Variants in COPG2 observed in about 807,000 individuals in gnomAD.
The protein encoded by COPG2 is coat protein complex I subunit gamma 2.
COPG2 carries 37 observed loss-of-function variants against 46.3 expected under a neutral mutation model. The ratio of observed to expected loss-of-function variants is 0.80; its 90% CI spans 0.61 to 1.05. The LOEUF (loss-of-function observed/expected upper bound fraction) is 1.05. COPG2 is among the 50% of genes least tolerant of loss of function. The pLI is 0.00. For missense variants in COPG2, 427 were observed against 387.8 expected (o/e 1.10, Z -0.85); for synonymous variants, 159 against 129.7 (o/e 1.23, Z -1.53).
At position 130,666,926 on chromosome 7, in the gene COPG2, G is replaced by A. The variant is rs1039752034; in HGVS notation, c.94C>T (p.Arg32Cys). The A allele has an allele frequency of 7.8e-6, 12 of 1,532,698 alleles. No individual in the cohort carries two copies. The highest frequency in any genetic ancestry group is 2.8e-5 in the African/African-American group (2 of 72,088). The allele number at this position is 1,532,698 out of a possible 1,614,324, so 94.9% of individuals were successfully genotyped here. ...TTGATTGGAGTTTCATTGAATATACGAGCCTATGAAAAAACATAAAAAACA... is the reference window on the plus strand; with the variant it reads ...TTGATTGGAGTTTCATTGAATATACAAGCCTATGAAAAAACATAAAAAACA... Reference protein sequence around the residue: ...LEKSAVLQEARIFNETPINPR... With the variant: ...LEKSAVLQEACIFNETPINPR... Residue 32 changes from arginine (R) to cysteine (C), a missense_variant, in exon 3 of 24, where the codon CGT (arginine) becomes TGT (cysteine). Transcript: ENST00000425248.
chr7:130,511,055 G>A, intron 20 of COPG2: 1 of 496,784 alleles, frequency 2.0e-6, no homozygotes, highest in Non-Finnish European at 4.0e-6. Flanking sequence ...TGTATGAAAA[G>A]AACCCAGCGA....
chr7:130,605,745 A>C, intron 9 of COPG2: 1 of 520,014 alleles, frequency 1.9e-6, no homozygotes, highest in Non-Finnish European at 3.8e-6. Context: ...ATTCTTCCTC[A>C]AAGCCTCCAG....
chr7:130,641,289 G>A (rs1024222007), intron 5 of COPG2, among the ~76,000 whole-genome samples: 7 of 152,032 alleles, frequency 4.6e-5, no homozygotes, highest in Admixed American at 3.3e-4. Context: ...ATGTGGAAAA[G>A]GCAACAGAAT....
chr7:130,660,547 T>C (rs1334360530), intron 4 of COPG2, among the ~76,000 whole-genome samples: 1 of 152,170 alleles, frequency 6.6e-6, no homozygotes, highest in Non-Finnish European at 1.5e-5. Context: ...CCTGCTACCA[T>C]TGCTGGTTGT....
intron 5 of COPG2, among the ~76,000 whole-genome samples, chr7:130,631,851 A>G (rs1373021237): frequency 6.6e-6 from 1 of 152,158 alleles, no homozygotes; most frequent in Admixed American, 6.5e-5. Context: ...CTTTGCATAG[A>G]TCCATATCTT....
chr7:130,563,210 A>C (rs1221738055), intron 11 of COPG2, 59 bp downstream of exon 11: 14 of 397,332 alleles, frequency 3.5e-5, no homozygotes, highest in Middle Eastern at 6.2e-4. Context: ...AATGCTTCAC[A>C]TTTAATGTTT....
intron 9 of COPG2, 85 bp downstream of exon 9, chr7:130,610,868 A>C (rs782746984): frequency 4.3e-4 from 595 of 1,384,640 alleles, no homozygotes; most frequent in Non-Finnish European, 5.7e-4. Flanking sequence ...GCACTGCCCC[A>C]AAAAAAATTC....
At chr7:130,596,986 G>C (rs191957839) in intron 9 of COPG2, among the ~76,000 whole-genome samples, 128 of 152,308 alleles carry the variant, frequency 8.4e-4, no homozygotes, top group Non-Finnish European at 1.0e-3. Context: ...AGAAGAAGTG[G>C]ACTGAAGTAG....
chr7:130,509,615 A>G, intron 20 of COPG2: 1 of 487,378 alleles, frequency 2.1e-6, no homozygotes. Flanking sequence ...CCATCCACAC[A>G]TGTAGTGACT....
chr7:130,611,729 T>C (rs1450340291), intron 8 of COPG2, among the ~76,000 whole-genome samples: 3 of 152,224 alleles, frequency 2.0e-5, no homozygotes, highest in African/African-American at 7.2e-5. Flanking sequence ...CTCTTAAGAA[T>C]AACCTAATAA....
chr7:130,561,353 GA>G, intron 11 of COPG2, 132 bp from the exon 12 acceptor site: 1 of 396,302 alleles, frequency 2.5e-6, no homozygotes. Context: ...AAAACAAAAA[GA>G]ATGGCTCCAG....
chr7:130,608,098 C>G (rs1387741948), intron 9 of COPG2: 6 of 348,402 alleles, frequency 1.7e-5, no homozygotes, highest in African/African-American at 1.3e-4. Flanking sequence ...TCTCTGTTGA[C>G]ATTTAAGATC....
intron 6 of COPG2, among the ~76,000 whole-genome samples, chr7:130,614,742 T>C (rs1176276854): frequency 6.6e-6 from 1 of 152,190 alleles, no homozygotes; most frequent in African/African-American, 2.4e-5. Flanking sequence ...GCCAACATGG[T>C]GAAACCCTGT....
At chr7:130,527,795 C>T (rs1005724647) in intron 20 of COPG2, among the ~76,000 whole-genome samples, 41 of 152,136 alleles carry the variant, frequency 2.7e-4, no homozygotes, top group African/African-American at 9.6e-4. Flanking sequence ...GAACACAGTT[C>T]CTGACAGACC....
chr7:130,645,623 G>A (rs1814), intron 5 of COPG2: 32,414 of 165,390 alleles, frequency 0.2, 3,432 homozygotes, highest in Middle Eastern at 0.26. Flanking sequence ...GAAGAAACAT[G>A]GGTGCTCTTT....
intron 5 of COPG2, among the ~76,000 whole-genome samples, chr7:130,647,297 A>G (rs1395955917): frequency 6.6e-6 from 1 of 152,134 alleles, no homozygotes; most frequent in African/African-American, 2.4e-5. Context: ...TCAGCCACCC[A>G]TAGTGCTGGG....
intron 6 of COPG2, among the ~76,000 whole-genome samples, 155 bp downstream of exon 6, chr7:130,616,831 CAAAA>C (rs1385746676): frequency 1.3e-5 from 2 of 152,092 alleles, no homozygotes; most frequent in Admixed American, 6.5e-5. Context: ...AATCTGAAGA[CAAAA>C]GAAAGCCTGG....
At chr7:130,563,177 T>C (rs1793743641) in intron 11 of COPG2, 92 bp downstream of exon 11, 4 of 391,156 alleles carry the variant, frequency 1.0e-5, no homozygotes, top group Non-Finnish European at 1.8e-5. Context: ...AAATCACATA[T>C]ACTAACCTTG....
At chr7:130,512,665 G>A (rs1554441178) in intron 20 of COPG2, among the ~76,000 whole-genome samples, 1 of 151,956 alleles carries the variant, frequency 6.6e-6, no homozygotes, top group Non-Finnish European at 1.5e-5. Context: ...AGTGGCACAT[G>A]CCTGTAATCC....
Sources: allele counts gnomAD v4.1 joint callset (sites outside exome capture counted in the v4.1 genomes callset), GRCh38; gene constraint gnomAD v4.1.1; transcripts MANE v1.5; gene names NCBI Gene and HGNC (gene_info 2026-07-23, HGNC 2026-07-21).